The following NUP37 variants were observed in gnomAD, a reference collection of about 807,000 sequenced individuals.
NUP37 encodes the protein nucleoporin Nup37.
NUP37 carries 33 observed loss-of-function variants against 45.4 expected under a neutral mutation model. The observed-to-expected ratio is 0.73, with a 90% CI of 0.55 to 0.97. NUP37 has a LOEUF of 0.97. Among genes scored for constraint, NUP37 ranks in the 50% least tolerant of loss-of-function variants. The probability of loss-of-function intolerance (pLI) is 0.00; values close to 1 mark genes in which losing one functional copy is unlikely to be tolerated. For missense variants in NUP37, 365 were observed against 389.7 expected, an observed-to-expected ratio of 0.94 and a Z score of 0.53; for synonymous variants, 127 against 130.7, an observed-to-expected ratio of 0.97 and a Z score of 0.19.
chr12:102,075,787 AGT>A (rs1879149529), intron 8 of NUP37, among the ~76,000 whole-genome samples: 3 of 152,172 alleles, frequency 2.0e-5, no homozygotes. Context: ...TTCAGGGCAC[AGT>A]GTGTCCTACC....
chr12:102,083,821 C>G (rs1477191203), intron 6 of NUP37, among the ~76,000 whole-genome samples: 1 of 152,126 alleles, frequency 6.6e-6, no homozygotes, highest in African/African-American at 2.4e-5. Flanking sequence ...AGGAGGTGAT[C>G]AGCAGTGTAA....
rs144957606 is a variant in NUP37 at position 102,084,779 on chromosome 12, G to T, written c.540+987C>A. On this transcript the variant is annotated intron_variant, in intron 6 of 9. Coordinates refer to ENST00000552283, the MANE Select transcript of NUP37 (RefSeq NM_024057.4). ...CTAAGGAACTACCATGAACTTTAGA[G>T]AACAGATGAAGAGTTAACTTTAAGA... is the stretch of plus-strand genomic sequence containing the variant. Among the ~76,000 whole-genome samples the T allele has an allele frequency of 6.8e-3, 1,034 of 151,784 alleles. 4 individuals carry two copies. Among genetic ancestry groups the T allele is most frequent in the Non-Finnish European group, 9.8e-3 (668 of 67,938 alleles).
intron 5 of NUP37, among the ~76,000 whole-genome samples, chr12:102,089,169 C>G (rs1235423639): frequency 6.6e-6 from 1 of 151,872 alleles, no homozygotes. Flanking sequence ...TCCCCCTTTT[C>G]TTTTCGACAA....
intron 2 of NUP37, among the ~76,000 whole-genome samples, chr12:102,114,443 C>CGT (rs892257883): frequency 1.9e-4 from 29 of 151,720 alleles, no homozygotes; most frequent in East Asian, 1.3e-3. Context: ...CTAAAAGGCC[C>CGT]GTGTGTGTGT....
intron 1 of NUP37, chr12:102,119,531 A>T (rs1233980979): frequency 1.3e-5 from 2 of 152,216 alleles, no homozygotes; most frequent in African/African-American, 2.4e-5. Context: ...TTGGTTTTTT[A>T]AAAAATTCGA....
chr12:102,078,857 C>T (rs1879256558), intron 6 of NUP37, among the ~76,000 whole-genome samples: 1 of 151,820 alleles, frequency 6.6e-6, no homozygotes, highest in Non-Finnish European at 1.5e-5. Context: ...TTATCAAACG[C>T]ACAAATTAAT....
chr12:102,116,724 G>A (rs1025741762), intron 2 of NUP37, among the ~76,000 whole-genome samples: 4 of 152,234 alleles, frequency 2.6e-5, no homozygotes, highest in African/African-American at 7.2e-5. Context: ...CAGAATTGCC[G>A]CTGGGCATGG....
intron 5 of NUP37, 59 bp from the exon 6 acceptor site, chr12:102,085,915 T>C: frequency 1.3e-6 from 1 of 783,230 alleles, no homozygotes; most frequent in Non-Finnish European, 2.1e-6. Context: ...ACTAAAAAAT[T>C]AAATTTCCAT....
chr12:102,114,429 C>A (rs1364852918), intron 2 of NUP37, among the ~76,000 whole-genome samples: 1 of 152,120 alleles, frequency 6.6e-6, no homozygotes, highest in African/African-American at 2.4e-5. Flanking sequence ...TGCCACTGAG[C>A]CAACTAAAAG....
At chr12:102,099,627 C>A (rs796280139) in intron 4 of NUP37, among the ~76,000 whole-genome samples, 2 of 152,310 alleles carry the variant, frequency 1.3e-5, no homozygotes, top group East Asian at 3.9e-4. Context: ...CACTACTTAA[C>A]AAACACACAC....
chr12:102,074,303 A>G lies in NUP37; in HGVS notation c.*51T>C, dbSNP rs572857209. 6 of 1,122,690 alleles carry G rather than the reference A, an allele frequency of 5.3e-6. No homozygotes were observed. The highest frequency in any genetic ancestry group is 7.9e-6 in the Non-Finnish European group (6 of 755,720). 69.5% of individuals were successfully genotyped at this position (1,122,690 alleles called of 1,614,324 possible). A position where few individuals can be genotyped will look rare whatever the true frequency, so the allele number is the denominator to read the frequency against. Reference sequence around the variant, plus strand: ...AAATATGTACTATAGAAATTCTTCAAAATATGTACTAAAAATACAAAGTTT... The same window carrying G: ...AAATATGTACTATAGAAATTCTTCAGAATATGTACTAAAAATACAAAGTTT... On this transcript the variant is annotated 3_prime_UTR_variant, in exon 10 of 10. Transcript: ENST00000552283.
chr12:102,091,900 T>C (rs1009263941), intron 5 of NUP37, among the ~76,000 whole-genome samples: 1 of 152,218 alleles, frequency 6.6e-6, no homozygotes, highest in Non-Finnish European at 1.5e-5. Flanking sequence ...GCTATGATTA[T>C]TGCTTCATTT....
At chr12:102,114,807 C>G (rs1012599435) in intron 2 of NUP37, among the ~76,000 whole-genome samples, 2 of 152,192 alleles carry the variant, frequency 1.3e-5, no homozygotes, top group Admixed American at 6.5e-5. Flanking sequence ...TGACAGGGAA[C>G]TAGCTATTTC....
chr12:102,099,804 G>A (rs893714739), intron 4 of NUP37, among the ~76,000 whole-genome samples: 1 of 152,188 alleles, frequency 6.6e-6, no homozygotes, highest in Non-Finnish European at 1.5e-5. Flanking sequence ...AGCAGATAAA[G>A]TTCAATCTGT....
chr12:102,091,767 TC>T (rs1879663644), intron 5 of NUP37, among the ~76,000 whole-genome samples: 1 of 152,166 alleles, frequency 6.6e-6, no homozygotes, highest in African/African-American at 2.4e-5. Flanking sequence ...ATAATTAACA[TC>T]CCCATCTCTC....
At chr12:102,110,096 A>G (rs927371934) in intron 3 of NUP37, among the ~76,000 whole-genome samples, 2 of 152,222 alleles carry the variant, frequency 1.3e-5, no homozygotes, top group African/African-American at 4.8e-5. Flanking sequence ...TTCACAACCT[A>G]TAAGAAATCA....
chr12:102,099,232 G>C (rs1189025255), intron 4 of NUP37, 32 bp from the exon 5 acceptor site: 1 of 1,459,544 alleles, frequency 6.9e-7, no homozygotes, highest in Non-Finnish European at 9.6e-7. Flanking sequence ...AGCTTAGCAA[G>C]AAAACAGAAA....
chr12:102,077,689 C>T (rs569909777), intron 6 of NUP37, among the ~76,000 whole-genome samples, 186 bp from the exon 7 acceptor site: 1 of 152,228 alleles, frequency 6.6e-6, no homozygotes, highest in East Asian at 1.9e-4. Flanking sequence ...CATGATACCA[C>T]AAGTGAAAAA....
At chr12:102,100,355 C>T (rs1247912911) in intron 4 of NUP37, among the ~76,000 whole-genome samples, 4 of 152,056 alleles carry the variant, frequency 2.6e-5, no homozygotes, top group African/African-American at 9.7e-5. Flanking sequence ...AAGGCAATAC[C>T]ATTCTTAAAA....
Sources: gnomAD v4.1 joint callset for allele counts (sites outside exome capture counted in the v4.1 genomes callset) on GRCh38, gnomAD v4.1.1 for gene constraint, MANE v1.5 for transcripts, NCBI Gene and HGNC (gene_info 2026-07-23, HGNC 2026-07-21) for gene names.